Variants in MSRB3 observed in about 807,000 individuals in gnomAD.
MSRB3 encodes the protein methionine sulfoxide reductase B3.
In MSRB3, 13 loss-of-function variants were observed where a neutral mutation model predicts 21.0. The observed-to-expected ratio is 0.62, with a 90% CI of 0.40 to 0.98. The LOEUF is 0.98. Among genes scored for constraint, MSRB3 ranks in the 50% least tolerant of loss-of-function variants. The pLI, the probability that MSRB3 is intolerant of heterozygous loss-of-function variation, is 0.00. For missense variants in MSRB3, 199 were observed against 230.3 expected, an observed-to-expected ratio of 0.86 and a Z score of 0.88; for synonymous variants, 87 against 88.6, an observed-to-expected ratio of 0.98 and a Z score of 0.10.
chr12:65,433,961 A>G (rs906953384), intron 5 of MSRB3, among the ~76,000 whole-genome samples: 2 of 151,756 alleles, frequency 1.3e-5, no homozygotes, highest in Non-Finnish European at 2.9e-5. Context: ...AGATCTTGGC[A>G]TATTCTTTTG....
chr12:65,326,726 G>C, intron 2 of MSRB3, 100 bp from the exon 3 acceptor site: 1 of 847,106 alleles, frequency 1.2e-6, no homozygotes. Flanking sequence ...TCTGGTCATT[G>C]ACAAGTGACT....
intron 4 of MSRB3, among the ~76,000 whole-genome samples, chr12:65,358,765 G>A (rs1455332898): frequency 6.6e-6 from 1 of 151,850 alleles, no homozygotes; most frequent in African/African-American, 2.4e-5. Context: ...CACATAACAG[G>A]GTGAAGATTT....
intron 5 of MSRB3, chr12:65,418,680 A>G (rs1403450406): frequency 2.7e-5 from 18 of 672,378 alleles, no homozygotes; most frequent in Non-Finnish European, 4.7e-5. Context: ...TGAACTTTTT[A>G]TTGGCTTCCA....
At chr12:65,377,821 C>T (rs1489475729) in intron 5 of MSRB3, among the ~76,000 whole-genome samples, 3 of 152,124 alleles carry the variant, frequency 2.0e-5, no homozygotes, top group Admixed American at 6.6e-5. Flanking sequence ...CTAATTTTTG[C>T]AGTAGAATGT....
At chr12:65,453,430 G>A (rs879526169) in intron 5 of MSRB3, among the ~76,000 whole-genome samples, 1 of 152,144 alleles carries the variant, frequency 6.6e-6, no homozygotes, top group Admixed American at 6.6e-5. Flanking sequence ...AGAGTGGTGA[G>A]AGAGAGCCTT....
intron 5 of MSRB3, among the ~76,000 whole-genome samples, chr12:65,390,048 C>T (rs1340587841): frequency 6.6e-6 from 1 of 152,192 alleles, no homozygotes; most frequent in Non-Finnish European, 1.5e-5. Context: ...CTGAAACTAA[C>T]AAACGTTTAT....
chr12:65,396,509 G>T (rs1051724796), intron 5 of MSRB3, among the ~76,000 whole-genome samples: 1 of 152,030 alleles, frequency 6.6e-6, no homozygotes, highest in Non-Finnish European at 1.5e-5. Flanking sequence ...TGGTCAACAT[G>T]GTGAAACCCT....
intron 4 of MSRB3, among the ~76,000 whole-genome samples, chr12:65,335,562 C>T (rs1226401285): frequency 2.0e-5 from 3 of 152,164 alleles, no homozygotes; most frequent in Non-Finnish European, 4.4e-5. Flanking sequence ...ATTCTGTTCA[C>T]CACTAAAAGA....
chr12:65,415,502 G>A (rs949627416), intron 5 of MSRB3, among the ~76,000 whole-genome samples: 2 of 152,128 alleles, frequency 1.3e-5, no homozygotes, highest in African/African-American at 4.8e-5. Context: ...TTAGGGTCCT[G>A]ATCAACACTG....
chr12:65,335,509 G>A (rs1875706947), intron 4 of MSRB3, among the ~76,000 whole-genome samples: 1 of 152,062 alleles, frequency 6.6e-6, no homozygotes, highest in Non-Finnish European at 1.5e-5. Context: ...TTCCAGTCCA[G>A]TGCCACACAC....
At chr12:65,437,041 A>C (rs1882150664) in intron 5 of MSRB3, among the ~76,000 whole-genome samples, 1 of 151,934 alleles carries the variant, frequency 6.6e-6, no homozygotes, top group South Asian at 2.1e-4. Context: ...TAATAACAAT[A>C]ATACTCATTG....
intron 4 of MSRB3, among the ~76,000 whole-genome samples, chr12:65,354,121 G>A (rs1592557222): frequency 6.6e-6 from 1 of 152,070 alleles, no homozygotes. Flanking sequence ...GCTTCCCTTT[G>A]TGGGTAACCC....
At chr12:65,415,919 C>CACCTAAGGATT (rs1466010076) in intron 5 of MSRB3, among the ~76,000 whole-genome samples, 9 of 152,162 alleles carry the variant, frequency 5.9e-5, no homozygotes, top group African/African-American at 2.2e-4. Context: ...CTAAGACCAA[C>CACCTAAGGATT]ACCTAAGGAT....
chr12:65,307,232 G>A (rs969717674), intron 1 of MSRB3, among the ~76,000 whole-genome samples: 17 of 152,160 alleles, frequency 1.1e-4, no homozygotes, highest in African/African-American at 4.1e-4. Context: ...CTTTCAGGCT[G>A]TGCATTGTGA....
chr12:65,334,081 T>G (rs1478706695), intron 4 of MSRB3, among the ~76,000 whole-genome samples: 3 of 152,206 alleles, frequency 2.0e-5, no homozygotes, highest in Non-Finnish European at 4.4e-5. Context: ...ACACTATGCA[T>G]GTGCAATCAG....
chr12:65,444,822 C>G (rs1882541037), intron 5 of MSRB3, among the ~76,000 whole-genome samples: 1 of 152,184 alleles, frequency 6.6e-6, no homozygotes, highest in Admixed American at 6.5e-5. Context: ...TCCTGATTCC[C>G]TTGTCCTCTT....
intron 5 of MSRB3, among the ~76,000 whole-genome samples, chr12:65,430,052 T>TTTCC (rs1881804017): frequency 6.6e-6 from 1 of 152,150 alleles, no homozygotes; most frequent in Admixed American, 6.6e-5. Flanking sequence ...AATTGCCTGC[T>TTTCC]TTCCTTCCTT....
intron 1 of MSRB3, among the ~76,000 whole-genome samples, chr12:65,302,562 TA>T (rs138766477): frequency 0.034 from 5,157 of 152,118 alleles, 306 homozygotes; most frequent in African/African-American, 0.12. Context: ...TTGAGTAAGT[TA>T]AAAAAAATTA....
intron 5 of MSRB3, among the ~76,000 whole-genome samples, chr12:65,438,597 G>T (rs569736071): frequency 2.6e-5 from 4 of 151,758 alleles, no homozygotes; most frequent in Non-Finnish European, 5.9e-5. Flanking sequence ...CTGCAATCCT[G>T]GAAAATAGAA....
Sources: gnomAD v4.1 joint callset for allele counts (sites outside exome capture counted in the v4.1 genomes callset) on GRCh38, gnomAD v4.1.1 for gene constraint, MANE v1.5 for transcripts, NCBI Gene and HGNC (gene_info 2026-07-23, HGNC 2026-07-21) for gene names.